The following ABHD18 variants were observed in gnomAD, a reference collection of about 807,000 sequenced individuals.
ABHD18 encodes abhydrolase domain containing 18, also known as cardiolipin-specific deacylase, mitochondrial.
ABHD18 carries 55 observed loss-of-function variants against 65.9 expected under a neutral mutation model. The ratio of observed to expected loss-of-function variants is 0.84; its 90% CI spans 0.67 to 1.05. ABHD18 has a LOEUF of 1.05. Ranked by LOEUF, ABHD18 falls within the 50% of genes least tolerant of loss-of-function variation. The probability of loss-of-function intolerance (pLI) is 0.00; values close to 1 mark genes in which losing one functional copy is unlikely to be tolerated. For missense variants in ABHD18, 533 were observed against 558.5 expected (o/e 0.95, Z 0.46); for synonymous variants, 181 against 180.2 (o/e 1.00, Z -0.04).
chr4:128,035,182 T>G (rs1336483393), intron 12 of ABHD18, among the ~76,000 whole-genome samples: 1 of 152,220 alleles, frequency 6.6e-6, no homozygotes, highest in African/African-American at 2.4e-5. Flanking sequence ...TTATACACAT[T>G]ACACACATGT....
In ABHD18 at chr4:127,967,709, A is replaced by G. The variant is rs1354412830; in HGVS notation, c.-18+2103A>G. On this transcript the variant is annotated intron_variant, in intron 1 of 12. Transcript: ENST00000645843. ...AAGCTTAGTGTATTGTACCAGTAGGAAAAAAAAAAAAAGAAAATGTCTCTT... is the reference window on the plus strand; with the variant it reads ...AAGCTTAGTGTATTGTACCAGTAGGGAAAAAAAAAAAAGAAAATGTCTCTT... 3.8e-5 allele frequency among the ~76,000 whole-genome samples: 4 copies of G among 106,270 alleles called. No individual in the cohort carries two copies. In the Admixed American group the frequency reaches 4.3e-4, roughly 11 times the overall value. 69.7% of individuals were successfully genotyped at this position (106,270 alleles called of 152,430 possible).
chr4:127,971,482 C>G (rs1337576359), intron 1 of ABHD18, among the ~76,000 whole-genome samples: 2 of 51,906 alleles, frequency 3.9e-5, no homozygotes, highest in African/African-American at 7.5e-5. Flanking sequence ...CCAGAGTTGG[C>G]TTTTTTTTTT....
intron 3 of ABHD18, among the ~76,000 whole-genome samples, chr4:127,987,252 G>A (rs768891362): frequency 2.0e-5 from 3 of 151,786 alleles, no homozygotes; most frequent in Admixed American, 1.3e-4. Context: ...CTTGGGAGGC[G>A]GAGGCAGGAG....
intron 12 of ABHD18, among the ~76,000 whole-genome samples, chr4:128,031,569 A>T (rs1758223998): frequency 6.6e-6 from 1 of 152,228 alleles, no homozygotes; most frequent in Admixed American, 6.5e-5. Context: ...AAATTGATTC[A>T]CATAAATGGT....
At chr4:127,973,132 G>C (rs1747174225) in intron 1 of ABHD18, among the ~76,000 whole-genome samples, 1 of 152,020 alleles carries the variant, frequency 6.6e-6, no homozygotes, top group Non-Finnish European at 1.5e-5. Flanking sequence ...TCCCGCCTCA[G>C]CCTCCCGAGT....
intron 8 of ABHD18, among the ~76,000 whole-genome samples, chr4:128,018,945 C>T (rs1387320549): frequency 2.8e-5 from 4 of 143,512 alleles, no homozygotes; most frequent in Non-Finnish European, 4.5e-5. Flanking sequence ...ACCCAGGAAG[C>T]GGAGGTTGCA....
chr4:127,969,204 CTTTT>C (rs372720678), intron 1 of ABHD18, among the ~76,000 whole-genome samples: 1 of 139,066 alleles, frequency 7.2e-6, no homozygotes, highest in African/African-American at 2.6e-5. Flanking sequence ...TTTCTTTTTT[CTTTT>C]TTTTTTTTTT....
At chr4:127,989,615 GA>G in intron 3 of ABHD18, 105 bp from the exon 4 acceptor site, 3 of 677,412 alleles carry the variant, frequency 4.4e-6, no homozygotes, top group Admixed American at 6.9e-5. Flanking sequence ...AGTAGGTGCT[GA>G]AAACATGATT....
intron 4 of ABHD18, among the ~76,000 whole-genome samples, chr4:127,995,861 A>T (rs1751646557): frequency 6.6e-6 from 1 of 152,234 alleles, no homozygotes; most frequent in Admixed American, 6.5e-5. Flanking sequence ...AAAGGAAAAA[A>T]AATTGTATAA....
chr4:128,020,230 G>A, intron 9 of ABHD18, 61 bp downstream of exon 9: 2 of 1,384,662 alleles, frequency 1.4e-6, no homozygotes, highest in Non-Finnish European at 2.0e-6. Flanking sequence ...TGTTTTGGGG[G>A]GGTCCCCAAA....
At chr4:128,006,937 G>T (rs1001463446) in intron 4 of ABHD18, among the ~76,000 whole-genome samples, 2 of 152,144 alleles carry the variant, frequency 1.3e-5, no homozygotes, top group African/African-American at 4.8e-5. Flanking sequence ...AAAGAAATTA[G>T]TTGTTCAAGA....
Position 128,020,137 on chromosome 4 carries a change from T to A in ABHD18, c.667T>A (p.Ser223Thr), listed in dbSNP as rs781364186. 5 of 1,613,666 alleles carry A rather than the reference T, an allele frequency of 3.1e-6. No homozygotes were observed. In the South Asian group the frequency reaches 4.4e-5, roughly 14 times the overall value. The change falls in exon 9 of 13, where the codon TCT (serine) becomes ACT (threonine). Residue 223 changes from serine (S) to threonine (T), a missense_variant. By Grantham distance (58) the Ser-to-Thr change is moderately conservative (BLOSUM62 1). Transcript: ENST00000645843. ...GCCCATGCCATTGATTCCATGCCTG[T>A]CTTGGTCCACAGCATCTGGGGTCTT... is the stretch of plus-strand genomic sequence containing the variant. ...PKPMPLIPCLSWSTASGVFTT... is the reference protein window; with the variant it reads ...PKPMPLIPCLTWSTASGVFTT...
intron 2 of ABHD18, among the ~76,000 whole-genome samples, chr4:127,983,517 G>T (rs559094103): frequency 1.6e-4 from 24 of 152,090 alleles, no homozygotes; most frequent in Non-Finnish European, 2.6e-4. Flanking sequence ...GGTGGATCAC[G>T]AAGTCAGAAT....
chr4:128,019,439 G>A (rs984192821), intron 8 of ABHD18, among the ~76,000 whole-genome samples: 8 of 152,068 alleles, frequency 5.3e-5, no homozygotes, highest in African/African-American at 1.4e-4. Context: ...TCACAGTCTT[G>A]CCTTTGATCA....
intron 3 of ABHD18, among the ~76,000 whole-genome samples, chr4:127,989,333 A>G (rs1750531827): frequency 1.3e-5 from 2 of 150,218 alleles, no homozygotes; most frequent in African/African-American, 4.8e-5. Context: ...GTACAGTCAG[A>G]TAGAATCAAT....
At chr4:128,030,716 G>T in intron 12 of ABHD18, 44 bp downstream of exon 12, 1 of 1,502,832 alleles carries the variant, frequency 6.7e-7, no homozygotes, top group Non-Finnish European at 8.8e-7. Context: ...TTTGTTGTTT[G>T]TTTTCTGGAT....
intron 1 of ABHD18, among the ~76,000 whole-genome samples, chr4:127,972,368 A>G (rs1486833479): frequency 1.3e-5 from 2 of 152,170 alleles, no homozygotes; most frequent in Non-Finnish European, 1.5e-5. Context: ...GAGGGTCCCA[A>G]AGTTCCTTTC....
chr4:127,966,702 C>CAAAAAAAAAAAAAA lies in ABHD18; in HGVS notation c.-18+1119_-18+1132dup, dbSNP rs70966065. Among the ~76,000 whole-genome samples, 8 of 21,540 alleles carry CAAAAAAAAAAAAAA rather than the reference C, an allele frequency of 3.7e-4. 4 individuals are homozygous for CAAAAAAAAAAAAAA. The highest frequency in any genetic ancestry group is 1.1e-3 in the African/African-American group (6 of 5,640). The allele number at this position is 21,540 out of a possible 152,430, so 14.1% of individuals were successfully genotyped here. On this transcript the variant is annotated intron_variant, in intron 1 of 12. Transcript: ENST00000645843. ...TGAAACCCCGTCTCTACTAAAAATA[C>CAAAAAAAAAAAAAA]AAAAAAAAAAAAAAAAAAAAAAAAA...
Position 128,004,226 on chromosome 4 carries a change from C to T in ABHD18, c.279-4694C>T, listed in dbSNP as rs529672461. ...CAGCACTTTGGGAAGCTGAGGCAGG[C>T]GGATCACCTGAGGTCAGGGGTTCGA... On this transcript the variant is annotated intron_variant, in intron 4 of 12. Transcript: ENST00000645843. 3.3e-3 allele frequency among the ~76,000 whole-genome samples: 500 copies of T among 151,476 alleles called. 3 individuals are homozygous for T. The highest frequency in any genetic ancestry group is 0.011 in the African/African-American group (464 of 41,310).
Sources: gnomAD v4.1 joint callset for allele counts (sites outside exome capture counted in the v4.1 genomes callset) on GRCh38, gnomAD v4.1.1 for gene constraint, MANE v1.5 for transcripts, NCBI Gene and HGNC (gene_info 2026-07-23, HGNC 2026-07-21) for gene names.